Variants in PASD1 observed in about 807,000 individuals in gnomAD.
The protein encoded by PASD1 is circadian clock protein PASD1.
PASD1 carries 13 observed loss-of-function variants against 58.8 expected under a neutral mutation model. The observed-to-expected ratio is 0.22, with a 90% CI of 0.14 to 0.35. PASD1 has a LOEUF of 0.35. Among genes scored for constraint, PASD1 ranks in the 10% least tolerant of loss-of-function variants. PASD1 has a pLI of 1.00. For missense variants in PASD1, 734 were observed against 568.3 expected (o/e 1.29, Z -2.96); for synonymous variants, 236 against 216.7 (o/e 1.09, Z -0.78).
intron 8 of PASD1, among the ~76,000 whole-genome samples, chrX:151,639,104 C>T: frequency 8.9e-6 from 1 of 112,153 alleles, no homozygotes; most frequent in Admixed American, 9.5e-5. Flanking sequence ...CAGACTTCAG[C>T]CTCCCTGGCT....
chrX:151,648,695 T>C lies in PASD1; in HGVS notation c.710T>C (p.Ile237Thr). The change falls in exon 9 of 16, where the codon ATC becomes ACC. Residue 237 changes from isoleucine (I) to threonine (T), a missense_variant. By Grantham distance (89) the Ile-to-Thr change is moderately conservative. Coordinates refer to ENST00000370357, the MANE Select transcript of PASD1 (RefSeq NM_173493.3). ...GCTGCTGCTGCTGCTGCTGCTGCTATCTCAGACGTATGTACATTGAGGACC... is the reference window on the plus strand; with the variant it reads ...GCTGCTGCTGCTGCTGCTGCTGCTACCTCAGACGTATGTACATTGAGGACC... ...EPAAAAAAAA[I>T]SDDQIDIAEV... The C allele has an allele frequency of 8.3e-7, 1 of 1,210,843 alleles. No homozygotes were observed. Among genetic ancestry groups the C allele is most frequent in the Non-Finnish European group, 1.1e-6 (1 of 894,919 alleles).
At chrX:151,591,046 T>C (rs1363688552) in intron 1 of PASD1, among the ~76,000 whole-genome samples, 1 of 111,897 alleles carries the variant, frequency 8.9e-6, no homozygotes, top group Non-Finnish European at 1.9e-5. Flanking sequence ...GTAAGTCACT[T>C]GTCTCTAGAA....
intron 4 of PASD1, among the ~76,000 whole-genome samples, chrX:151,614,173 C>G (rs371147742): frequency 9.1e-6 from 1 of 110,422 alleles, no homozygotes; most frequent in African/African-American, 3.3e-5. Flanking sequence ...TTAATAGAGA[C>G]GGGGTTTCAC....
At chrX:151,641,815 TACACACAC>T (rs748009729) in intron 8 of PASD1, among the ~76,000 whole-genome samples, 151 of 104,704 alleles carry the variant, frequency 1.4e-3, no homozygotes, top group Non-Finnish European at 1.7e-3. Context: ...CACGCGTACT[TACACACAC>T]ACACACACAC....
At chrX:151,654,297 AAT>A (rs763925952) in intron 9 of PASD1, among the ~76,000 whole-genome samples, 1 of 110,491 alleles carries the variant, frequency 9.1e-6, no homozygotes, top group Non-Finnish European at 1.9e-5. Flanking sequence ...GGGGAGGAGT[AAT>A]ATCAAGGACT....
chrX:151,632,583 C>T (rs993097351), intron 8 of PASD1, among the ~76,000 whole-genome samples: 6 of 111,239 alleles, frequency 5.4e-5, no homozygotes, highest in African/African-American at 1.3e-4. Context: ...TTTTCAATGC[C>T]GTGTGGAGAC....
chrX:151,622,898 C>A, intron 6 of PASD1, 39 bp from the exon 7 acceptor site: 1 of 1,175,877 alleles, frequency 8.5e-7, no homozygotes, highest in South Asian at 2.0e-5. Flanking sequence ...TTTAACTGGT[C>A]CACCTTTCTG....
Position 151,671,180 on chromosome X carries a change from T to G in PASD1, c.1214T>G (p.Met405Arg), listed in dbSNP as rs1393987728. ...AACCAGCAGAATGCATTGGAATTGA[T>G]GATGGATCACCTTCAGGTCAGTCAG... Reference protein sequence around the residue: ...IQNQQNALELMMDHLQKQPNT... With the variant: ...IQNQQNALELRMDHLQKQPNT... Residue 405 changes from methionine (M) to arginine (R), a missense_variant, in exon 12 of 16, where the codon ATG (methionine) becomes AGG (arginine). Met to Arg is a moderately conservative substitution (Grantham distance 91, BLOSUM62 -1). Coordinates refer to ENST00000370357, the MANE Select transcript of PASD1 (RefSeq NM_173493.3). 8.3e-7 allele frequency: 1 copy of G among 1,211,196 alleles called. No homozygotes were observed. The highest frequency in any genetic ancestry group is 1.7e-5 in the African/African-American group (1 of 57,777).
chrX:151,578,374 G>A (rs1212173878), intron 1 of PASD1: 2 of 112,094 alleles, frequency 1.8e-5, no homozygotes, highest in Non-Finnish European at 3.8e-5. Flanking sequence ...TATGATCAAT[G>A]GTATTTGGCT....
intron 1 of PASD1, among the ~76,000 whole-genome samples, chrX:151,593,025 A>C (rs899352092): frequency 5.4e-5 from 6 of 110,501 alleles, no homozygotes; most frequent in Non-Finnish European, 1.1e-4. Flanking sequence ...AAAGCTTTGT[A>C]GTTAGATGTA....
At chrX:151,627,889 T>A (rs10127405) in intron 8 of PASD1, among the ~76,000 whole-genome samples, 42,342 of 110,150 alleles carry the variant, frequency 0.38, 6,290 homozygotes, top group Middle Eastern at 0.46. Context: ...TTTTTAATGA[T>A]CGCCATTCTA....
intron 11 of PASD1, among the ~76,000 whole-genome samples, chrX:151,667,140 G>T (rs1410544414): frequency 1.8e-5 from 2 of 112,066 alleles, no homozygotes; most frequent in Non-Finnish European, 3.8e-5. Context: ...GGCCAGTGAT[G>T]CTGAGCATTT....
chrX:151,661,755 CTTTT>C (rs34934059), intron 10 of PASD1, among the ~76,000 whole-genome samples: 1 of 100,533 alleles, frequency 9.9e-6, no homozygotes, highest in Non-Finnish European at 2.0e-5. Context: ...CTCATTCTTG[CTTTT>C]TTTTTTTTTT....
In PASD1 at chrX:151,672,259, A is replaced by G; in HGVS notation, c.1514A>G (p.Glu505Gly). The G allele has an allele frequency of 1.7e-6, 2 of 1,167,509 alleles. No individual in the cohort carries two copies. The highest frequency in any genetic ancestry group is 1.8e-5 in the African/African-American group (1 of 56,352). Reference sequence around the variant, plus strand: ...CGGGAGCAGCTGCAACAGCTGAGAGAGCAAAGGAAGGTGCAGAAGCAGAAG... The same window carrying G: ...CGGGAGCAGCTGCAACAGCTGAGAGGGCAAAGGAAGGTGCAGAAGCAGAAG... ...QLREQLQQLR[E>G]QRKVQKQKKM... The change falls in exon 14 of 16, where the codon GAG becomes GGG. Residue 505 changes from glutamate (E) to glycine (G), a missense_variant. By Grantham distance (98) the Glu-to-Gly change is moderately conservative (BLOSUM62 -2). Transcript: ENST00000370357.
rs761645626 is a variant in PASD1 at position 151,674,040 on chromosome X, G to A, written c.2029G>A (p.Asp677Asn). The change falls in exon 15 of 16, where the codon GAC becomes AAC. Residue 677 changes from aspartate to asparagine, a missense_variant. Transcript: ENST00000370357. ...CATTCCTCAGTTTCCCATAACTTCA[G>A]ACTCAACCATAAGCACCCTGGAGAC... ...SSIPQFPITS[D>N]STISTLETPQ... The A allele has an allele frequency of 1.7e-6, 2 of 1,211,670 alleles. No homozygotes were observed. Among genetic ancestry groups the A allele is most frequent in the Non-Finnish European group, 2.2e-6 (2 of 895,397 alleles).
At chrX:151,611,045 GA>G (rs2124261001) in intron 3 of PASD1, among the ~76,000 whole-genome samples, 1 of 111,808 alleles carries the variant, frequency 8.9e-6, no homozygotes, top group African/African-American at 3.2e-5. Flanking sequence ...AGTGTTGGAA[GA>G]TAGTCTCAAG....
intron 3 of PASD1, 136 bp downstream of exon 3, chrX:151,604,870 T>C (rs962575373): frequency 1.0e-5 from 5 of 501,732 alleles, no homozygotes; most frequent in African/African-American, 9.6e-5. Flanking sequence ...ACTTAAATCG[T>C]CTGAATCAGA....
intron 1 of PASD1, among the ~76,000 whole-genome samples, chrX:151,598,382 C>CT (rs201864707): frequency 0.014 from 1,535 of 111,248 alleles, 25 homozygotes; most frequent in African/African-American, 0.047. Context: ...TTTTTGTGCT[C>CT]TGAGATTTCA....
intron 3 of PASD1, 106 bp downstream of exon 3, chrX:151,604,840 A>T: frequency 3.3e-6 from 2 of 602,074 alleles, no homozygotes; most frequent in Non-Finnish European, 5.2e-6. Flanking sequence ...ATGCATTAGA[A>T]TCAACCAGGG....
Sources: gnomAD v4.1 joint callset for allele counts (sites outside exome capture counted in the v4.1 genomes callset) on GRCh38, gnomAD v4.1.1 for gene constraint, MANE v1.5 for transcripts, NCBI Gene and HGNC (gene_info 2026-07-23, HGNC 2026-07-21) for gene names.